Variants in TAFA1 observed in about 807,000 individuals in gnomAD.
The protein encoded by TAFA1 is TAFA chemokine like family member 1.
Under a neutral mutation model 18.5 loss-of-function variants are expected in TAFA1, and 4 were observed. That is an observed-to-expected ratio of 0.22 (90% CI 0.11 to 0.49). The LOEUF is 0.49. Among genes scored for constraint, TAFA1 ranks in the 20% least tolerant of loss-of-function variants. The probability of loss-of-function intolerance (pLI) is 0.98; values close to 1 mark genes in which losing one functional copy is unlikely to be tolerated. For missense variants in TAFA1, 147 were observed against 169.0 expected (o/e 0.87, Z 0.72); for synonymous variants, 56 against 55.2 (o/e 1.01, Z -0.06).
rs571426987 is a variant in TAFA1, at chr3:68,236,081, T to C, written c.119-181199T>C. The stretch of plus-strand genomic sequence containing the variant: ...TTAATGTAATTATTGAGAGTAAAAC[T>C]ACCACAACACTACCCACCTGGGTCA... On this transcript the variant is annotated intron_variant, in intron 2 of 4. Transcript: ENST00000478136. 5.3e-5 allele frequency among the ~76,000 whole-genome samples: 8 copies of C among 152,276 alleles called. No individual in the cohort carries two copies. The East Asian group carries it at 1.5e-3, about 29-fold the overall frequency.
chr3:68,281,317 G>A (rs921656784), intron 2 of TAFA1, among the ~76,000 whole-genome samples: 1 of 151,464 alleles, frequency 6.6e-6, no homozygotes, highest in Non-Finnish European at 1.5e-5. Context: ...ACTATACCAT[G>A]TTTTTTTTGA....
intron 3 of TAFA1, among the ~76,000 whole-genome samples, chr3:68,478,998 C>T (rs962018905): frequency 1.9e-4 from 29 of 149,768 alleles, no homozygotes; most frequent in Non-Finnish European, 4.0e-4. Context: ...TTTAGGAGGC[C>T]GAGGCAAGTG....
chr3:68,123,248 C>G (rs999793486), intron 2 of TAFA1, among the ~76,000 whole-genome samples: 3 of 152,094 alleles, frequency 2.0e-5, no homozygotes, highest in Non-Finnish European at 4.4e-5. Flanking sequence ...GAAGGGGCGA[C>G]AGGAGCACAG....
intron 2 of TAFA1, among the ~76,000 whole-genome samples, chr3:68,318,251 G>A (rs958078968): frequency 2.6e-5 from 4 of 152,200 alleles, no homozygotes; most frequent in South Asian, 4.2e-4. Flanking sequence ...GACACACCTC[G>A]GCTCAAGGGA....
At chr3:68,490,859 G>C (rs1243054140) in intron 3 of TAFA1, among the ~76,000 whole-genome samples, 1 of 150,020 alleles carries the variant, frequency 6.7e-6, no homozygotes, top group African/African-American at 2.5e-5. Context: ...TTGTGGGGGG[G>C]ACAGGGTCTT....
chr3:68,057,064 A>G (rs921749612), intron 2 of TAFA1, among the ~76,000 whole-genome samples: 4 of 152,036 alleles, frequency 2.6e-5, no homozygotes, highest in South Asian at 2.1e-4. Context: ...TCTCTAACAC[A>G]CGTTTTAGGT....
At position 68,525,901 on chromosome 3, in the gene TAFA1, AGG is replaced by A. The variant is rs552264744; in HGVS notation, c.260-12854_260-12853del. Among the ~76,000 whole-genome samples, 33 of 152,220 alleles carry A rather than the reference AGG, an allele frequency of 2.2e-4. No homozygotes were observed. In the East Asian group the frequency reaches 6.2e-3, roughly 29 times the overall value. On this transcript the variant is annotated intron_variant, in intron 3 of 4. Coordinates refer to ENST00000478136, the MANE Select transcript of TAFA1 (RefSeq NM_213609.4). ...ACACATTCTCAAGTGTCTGTGAGCC[AGG>A]CAAATAGTGCTGAGAACCACAAGCT...
At chr3:68,340,694 C>T (rs534339718) in intron 2 of TAFA1, among the ~76,000 whole-genome samples, 1 of 152,236 alleles carries the variant, frequency 6.6e-6, no homozygotes, top group Admixed American at 6.5e-5. Flanking sequence ...GAGGGATTTC[C>T]AGGAGTAAGT....
intron 2 of TAFA1, among the ~76,000 whole-genome samples, chr3:68,328,615 G>T (rs975688511): frequency 6.6e-6 from 1 of 152,132 alleles, no homozygotes; most frequent in Non-Finnish European, 1.5e-5. Context: ...GCAGGCTAAC[G>T]TGAGGCATAG....
At chr3:68,201,609 C>T (rs79696335) in intron 2 of TAFA1, among the ~76,000 whole-genome samples, 1 of 151,852 alleles carries the variant, frequency 6.6e-6, no homozygotes, top group Non-Finnish European at 1.5e-5. Flanking sequence ...GGAGAATTGA[C>T]TTCTTTATCA....
chr3:68,119,368 A>G (rs1432129932), intron 2 of TAFA1, among the ~76,000 whole-genome samples: 1 of 151,704 alleles, frequency 6.6e-6, no homozygotes, highest in East Asian at 1.9e-4. Context: ...CCTTTGGTGC[A>G]TATAAGTTTT....
At chr3:68,226,377 T>G (rs2066800368) in intron 2 of TAFA1, among the ~76,000 whole-genome samples, 1 of 152,192 alleles carries the variant, frequency 6.6e-6, no homozygotes, top group Non-Finnish European at 1.5e-5. Flanking sequence ...AATGAATGAC[T>G]CTCATGTTTC....
At chr3:68,185,529 C>T (rs1052605653) in intron 2 of TAFA1, among the ~76,000 whole-genome samples, 1 of 152,064 alleles carries the variant, frequency 6.6e-6, no homozygotes, top group Non-Finnish European at 1.5e-5. Context: ...CACTTCTTGT[C>T]TTAAATGAAT....
intron 2 of TAFA1, among the ~76,000 whole-genome samples, chr3:68,338,567 T>G (rs939003434): frequency 2.6e-5 from 4 of 152,212 alleles, no homozygotes; most frequent in African/African-American, 9.6e-5. Flanking sequence ...CAATTCATCC[T>G]TACCAGAAAC....
chr3:68,176,639 A>T (rs2066129752), intron 2 of TAFA1, among the ~76,000 whole-genome samples: 1 of 152,210 alleles, frequency 6.6e-6, no homozygotes, highest in Non-Finnish European at 1.5e-5. Flanking sequence ...TTCATGTTGC[A>T]TGCACATACA....
At chr3:68,365,386 T>A (rs534943082) in intron 2 of TAFA1, among the ~76,000 whole-genome samples, 1 of 152,288 alleles carries the variant, frequency 6.6e-6, no homozygotes, top group East Asian at 1.9e-4. Context: ...AAGTTACATG[T>A]GACTTCTAAT....
intron 3 of TAFA1, among the ~76,000 whole-genome samples, chr3:68,502,775 T>C (rs1432217642): frequency 6.6e-6 from 1 of 152,062 alleles, no homozygotes; most frequent in African/African-American, 2.4e-5. Context: ...TCTATAACAG[T>C]TTTGACCAGG....
intron 2 of TAFA1, among the ~76,000 whole-genome samples, chr3:68,357,481 C>T (rs562806394): frequency 4.5e-4 from 68 of 151,892 alleles, no homozygotes; most frequent in Non-Finnish European, 7.1e-4. Context: ...TTTTGGCTGC[C>T]GTTTAATTCC....
Position 68,487,811 on chromosome 3 carries a change from GA to G in TAFA1, c.260-50933del, listed in dbSNP as rs10654793. On this transcript the variant is annotated intron_variant, in intron 3 of 4. Transcript: ENST00000478136. ...TGTTAAACTGTTCTCTGTACCAAAA[GA>G]AAAAAAAAAAAGGTGAAGTGATAAA... Among the ~76,000 whole-genome samples the G allele has an allele frequency of 1.1e-3, 141 of 133,304 alleles. 1 individual carries two copies. The highest frequency in any genetic ancestry group is 3.3e-3 in the African/African-American group (114 of 34,854). The allele number at this position is 133,304 out of a possible 152,430, so 87.5% of individuals were successfully genotyped here.
Sources: gnomAD v4.1 joint callset for allele counts (sites outside exome capture counted in the v4.1 genomes callset) on GRCh38, gnomAD v4.1.1 for gene constraint, MANE v1.5 for transcripts, NCBI Gene and HGNC (gene_info 2026-07-23, HGNC 2026-07-21) for gene names.